MEIOB: variants seen among roughly 807,000 people sequenced by gnomAD.
MEIOB encodes the protein meiosis specific with OB-fold.
In MEIOB, 50 loss-of-function variants were observed where a neutral mutation model predicts 53.1. That is an observed-to-expected ratio of 0.94 (90% CI 0.75 to 1.19). The LOEUF (loss-of-function observed/expected upper bound fraction) is 1.19. MEIOB is among the 50% of genes most tolerant of loss of function. MEIOB has a pLI of 0.00. For missense variants in MEIOB, 551 were observed against 550.8 expected, an observed-to-expected ratio of 1.00 and a Z score of 0.00; for synonymous variants, 192 against 182.5, an observed-to-expected ratio of 1.05 and a Z score of -0.42.
At chr16:1,859,738 TG>T (rs1457360422) in intron 5 of MEIOB, among the ~76,000 whole-genome samples, 1 of 152,082 alleles carries the variant, frequency 6.6e-6, no homozygotes, top group Non-Finnish European at 1.5e-5. Context: ...TAGACTGCTG[TG>T]CCCACCAAGA....
rs967378617 is a variant in MEIOB at position 1,855,672 on chromosome 16, C to A, written c.529-1472G>T. Among the ~76,000 whole-genome samples the A allele has an allele frequency of 7.9e-5, 12 of 152,280 alleles. No homozygotes were observed. In the East Asian group the frequency reaches 1.9e-3, roughly 24 times the overall value. ...GTCTAGAATTTGGGGAAATCGCAAA[C>A]AATTGAGCACTCCTTTGAACAACTG... On this transcript the variant is annotated intron_variant, in intron 6 of 13. Coordinates refer to ENST00000325962, the MANE Select transcript of MEIOB (RefSeq NM_001163560.3).
intron 11 of MEIOB, 183 bp from the exon 12 acceptor site, chr16:1,839,621 T>G: frequency 1.9e-6 from 1 of 539,066 alleles, no homozygotes; most frequent in East Asian, 3.3e-5. Context: ...TACGCAGCCA[T>G]TCTCAGGAGT....
At chr16:1,859,970 T>C (rs7191695) in intron 5 of MEIOB, among the ~76,000 whole-genome samples, 19,344 of 152,194 alleles carry the variant, frequency 0.13, 1,252 homozygotes, top group East Asian at 0.16. Context: ...TCCTGGTCTA[T>C]CCTCGCAGGG....
chr16:1,854,501 C>G (rs1202338721), intron 6 of MEIOB, among the ~76,000 whole-genome samples: 1 of 152,218 alleles, frequency 6.6e-6, no homozygotes, highest in Non-Finnish European at 1.5e-5. Flanking sequence ...TCTGGGGCAT[C>G]TACGTGGACT....
rs1596990711 is a variant in MEIOB, at chr16:1,872,054, C to A, written c.-71G>T. 6.6e-6 allele frequency: 1 copy of A among 151,312 alleles called. No individual in the cohort carries two copies. Among genetic ancestry groups the A allele is most frequent in the East Asian group, 2.0e-4 (1 of 4,992 alleles). The allele number at this position is 151,312 out of a possible 1,614,324, so 9.4% of individuals were successfully genotyped here. ...ACAGCTGCCGCCGCGGCCTCGCGGACCTGGCCCGCCCGACCCCCGGGTCGC... is the reference window on the plus strand; with the variant it reads ...ACAGCTGCCGCCGCGGCCTCGCGGAACTGGCCCGCCCGACCCCCGGGTCGC... On this transcript the variant is annotated 5_prime_UTR_variant, in exon 1 of 14. Coordinates refer to ENST00000325962, the MANE Select transcript of MEIOB (RefSeq NM_001163560.3).
At chr16:1,862,375 T>A (rs1365466825) in intron 3 of MEIOB, among the ~76,000 whole-genome samples, 1 of 152,186 alleles carries the variant, frequency 6.6e-6, no homozygotes, top group Non-Finnish European at 1.5e-5. Flanking sequence ...CCTTCCCTGG[T>A]GATCTGTGTA....
At chr16:1,853,299 A>T (rs2142089295) in intron 7 of MEIOB, 28 bp from the exon 8 acceptor site, 1 of 1,480,604 alleles carries the variant, frequency 6.8e-7, no homozygotes, top group East Asian at 2.5e-5. Flanking sequence ...GAAGTAATAC[A>T]AATTGAATAC....
chr16:1,871,075 G>A (rs190869296), intron 1 of MEIOB, among the ~76,000 whole-genome samples: 133 of 152,132 alleles, frequency 8.7e-4, no homozygotes, highest in African/African-American at 3.0e-3. Flanking sequence ...GGTAATAGAC[G>A]TTAGTGTCTG....
chr16:1,837,300 A>G (rs953260733), intron 13 of MEIOB, among the ~76,000 whole-genome samples: 1 of 149,512 alleles, frequency 6.7e-6, no homozygotes, highest in Non-Finnish European at 1.5e-5. Context: ...TAATTGTGCT[A>G]TCTTACACTG....
chr16:1,866,582 TGTG>T (rs1419517275), intron 2 of MEIOB, among the ~76,000 whole-genome samples: 1 of 151,832 alleles, frequency 6.6e-6, no homozygotes, highest in African/African-American at 2.4e-5. Context: ...ATTAGCCAGG[TGTG>T]GTGGTGGGTG....
chr16:1,845,799 G>A (rs1423984106), intron 9 of MEIOB, among the ~76,000 whole-genome samples: 6 of 152,148 alleles, frequency 3.9e-5, no homozygotes, highest in Admixed American at 2.0e-4. Flanking sequence ...AGGCAGGAAC[G>A]CGAGTTTGGA....
chr16:1,852,597 C>T (rs1899201780), intron 9 of MEIOB, among the ~76,000 whole-genome samples: 2 of 151,038 alleles, frequency 1.3e-5, no homozygotes, highest in Non-Finnish European at 2.9e-5. Context: ...CTCTTGTGGC[C>T]TAGGCTGGAG....
At chr16:1,848,667 C>CT (rs1899083866) in intron 9 of MEIOB, among the ~76,000 whole-genome samples, 1 of 151,836 alleles carries the variant, frequency 6.6e-6, no homozygotes, top group Non-Finnish European at 1.5e-5. Flanking sequence ...CTTAGCCTCC[C>CT]TAGTAGCTGG....
chr16:1,835,165 G>A (rs1898708420), intron 13 of MEIOB, among the ~76,000 whole-genome samples: 1 of 151,904 alleles, frequency 6.6e-6, no homozygotes, highest in Non-Finnish European at 1.5e-5. Flanking sequence ...GAGGCGGGAG[G>A]ATCACTTGAG....
rs113071566 is a variant in MEIOB at position 1,834,791 on chromosome 16, C to T, written c.1306-425G>A. Among the ~76,000 whole-genome samples, 131 of 151,834 alleles carry T rather than the reference C, an allele frequency of 8.6e-4. 1 individual carries two copies. The highest frequency in any genetic ancestry group is 3.4e-3 in the Middle Eastern group (1 of 292). On this transcript the variant is annotated intron_variant, in intron 13 of 13. Transcript: ENST00000325962. ...TCTACTAAAAATACAAAAAATTAGC[C>T]GGGCATGGTGGCACACACCTGTTAT...
chr16:1,857,743 C>T lies in MEIOB; in HGVS notation c.520G>A (p.Val174Met), dbSNP rs1025418947. 5 of 1,550,884 alleles carry T rather than the reference C, an allele frequency of 3.2e-6. No homozygotes were observed. Among genetic ancestry groups the T allele is most frequent in the Non-Finnish European group, 4.4e-6 (5 of 1,146,754 alleles). ...NGRIINVLAA[V>M]KSVGEPKYFT... ...TCGGGGTTTTAACTTACCGATTTCA[C>T]AGCTGCAAGCACGTTAATAATCCTC... Residue 174 changes from valine (V) to methionine (M), a missense_variant, in exon 6 of 14, where the codon GTG becomes ATG. Val to Met is a conservative substitution (Grantham distance 21). Coordinates refer to ENST00000325962, the MANE Select transcript of MEIOB (RefSeq NM_001163560.3).
chr16:1,841,314 G>A (rs1056925887), intron 11 of MEIOB, among the ~76,000 whole-genome samples: 6 of 151,950 alleles, frequency 3.9e-5, no homozygotes, highest in Middle Eastern at 3.2e-3. Context: ...CACCGTGCCC[G>A]GCCTGCAGTT....
intron 11 of MEIOB, among the ~76,000 whole-genome samples, chr16:1,840,673 C>T (rs532417711): frequency 2.0e-5 from 3 of 152,032 alleles, no homozygotes; most frequent in East Asian, 1.9e-4. Flanking sequence ...CTCATCCTCT[C>T]GAGTAGCTGG....
At chr16:1,834,522 A>G (rs1017556324) in intron 13 of MEIOB, among the ~76,000 whole-genome samples, 156 bp from the exon 14 acceptor site, 3 of 152,264 alleles carry the variant, frequency 2.0e-5, no homozygotes, top group Non-Finnish European at 4.4e-5. Flanking sequence ...AGATGATGGG[A>G]AGAGTTCCAG....
Sources: allele counts gnomAD v4.1 joint callset (sites outside exome capture counted in the v4.1 genomes callset), GRCh38; gene constraint gnomAD v4.1.1; transcripts MANE v1.5; gene names NCBI Gene and HGNC (gene_info 2026-07-23, HGNC 2026-07-21).